The following TSPAN9 variants were observed in gnomAD, a reference collection of about 807,000 sequenced individuals.
TSPAN9 encodes the protein tetraspanin-9.
In TSPAN9, 16 loss-of-function variants were observed where a neutral mutation model predicts 31.0. The ratio of observed to expected loss-of-function variants is 0.52; its 90% CI spans 0.35 to 0.78. The LOEUF (loss-of-function observed/expected upper bound fraction) is 0.78, where lower values mean the gene tolerates loss of function less well. Among genes scored for constraint, TSPAN9 ranks in the 30% least tolerant of loss-of-function variants. The probability of loss-of-function intolerance (pLI) is 0.01; values close to 1 mark genes in which losing one functional copy is unlikely to be tolerated. For missense variants in TSPAN9, 272 were observed against 312.5 expected (o/e 0.87, Z 0.98); for synonymous variants, 145 against 121.6 (o/e 1.19, Z -1.27).
intron 2 of TSPAN9, among the ~76,000 whole-genome samples, chr12:3,175,256 C>T (rs895852723): frequency 3.9e-5 from 6 of 152,174 alleles, no homozygotes; most frequent in Admixed American, 2.6e-4. Context: ...GGCACGAGAG[C>T]GGTCAGTCTT....
At chr12:3,224,079 T>TAA (rs35368694) in intron 3 of TSPAN9, among the ~76,000 whole-genome samples, 61 of 150,876 alleles carry the variant, frequency 4.0e-4, no homozygotes, top group Middle Eastern at 3.4e-3. Flanking sequence ...CTCATCCTAG[T>TAA]AAAAAAAAAA....
intron 3 of TSPAN9, among the ~76,000 whole-genome samples, chr12:3,233,744 A>G (rs2098391980): frequency 1.3e-5 from 2 of 152,234 alleles, no homozygotes; most frequent in African/African-American, 4.8e-5. Context: ...CACATGAATA[A>G]TAGTTCCTCT....
At chr12:3,082,335 T>G (rs1373475950) in intron 1 of TSPAN9, among the ~76,000 whole-genome samples, 2 of 152,208 alleles carry the variant, frequency 1.3e-5, no homozygotes, top group African/African-American at 2.4e-5. Context: ...GGGCCAGGTG[T>G]GGCATGTGTG....
At chr12:3,162,796 A>G (rs924156982) in intron 2 of TSPAN9, among the ~76,000 whole-genome samples, 4 of 152,178 alleles carry the variant, frequency 2.6e-5, no homozygotes, top group African/African-American at 4.8e-5. Context: ...GCTCTAGGCT[A>G]CATGTCGCCC....
intron 2 of TSPAN9, among the ~76,000 whole-genome samples, chr12:3,178,017 T>G (rs2098356777): frequency 6.6e-6 from 1 of 152,226 alleles, no homozygotes; most frequent in South Asian, 2.1e-4. Context: ...GTTTCTGTTC[T>G]GCAGGTGGCA....
intron 3 of TSPAN9, among the ~76,000 whole-genome samples, chr12:3,214,998 A>C (rs1028903483): frequency 6.6e-6 from 1 of 151,820 alleles, no homozygotes; most frequent in Non-Finnish European, 1.5e-5. Context: ...AGCCCCTGAC[A>C]GCCCACCTCC....
chr12:3,081,844 G>GTGTGTGTGTATATATATA lies in TSPAN9; in HGVS notation c.-84-1808_-84-1807insGTGTGTGTATATATATAT, dbSNP rs57812985. On this transcript the variant is annotated intron_variant, in intron 1 of 8. Transcript: ENST00000011898. ...TGTGTGTGTGTGTGTGTCTGTGTGT[G>GTGTGTGTGTATATATATA]TATATATATGCCAGGTGTGGTGGTA... Among the ~76,000 whole-genome samples, 57 of 116,736 alleles carry GTGTGTGTGTATATATATA rather than the reference G, an allele frequency of 4.9e-4. 2 individuals are homozygous for GTGTGTGTGTATATATATA. Among genetic ancestry groups the GTGTGTGTGTATATATATA allele is most frequent in the African/African-American group, 2.1e-3 (57 of 27,388 alleles). 76.6% of individuals were successfully genotyped at this position (116,736 alleles called of 152,430 possible).
At chr12:3,152,242 C>T (rs1412695877) in intron 2 of TSPAN9, among the ~76,000 whole-genome samples, 1 of 152,220 alleles carries the variant, frequency 6.6e-6, no homozygotes, top group African/African-American at 2.4e-5. Flanking sequence ...CTTGCCTGGC[C>T]ACCAGGGAGG....
At chr12:3,156,637 G>A (rs1048200386) in intron 2 of TSPAN9, among the ~76,000 whole-genome samples, 3 of 151,676 alleles carry the variant, frequency 2.0e-5, no homozygotes, top group Admixed American at 1.3e-4. Context: ...CCTCCCGAGC[G>A]GCTGGGATTA....
chr12:3,256,219 T>A (rs1260799083), intron 3 of TSPAN9, among the ~76,000 whole-genome samples: 1 of 152,022 alleles, frequency 6.6e-6, no homozygotes, highest in Non-Finnish European at 1.5e-5. Flanking sequence ...GGTGAGCTGG[T>A]GAGAGAGGCT....
At chr12:3,127,413 G>T (rs1277851152) in intron 2 of TSPAN9, among the ~76,000 whole-genome samples, 1 of 151,836 alleles carries the variant, frequency 6.6e-6, no homozygotes, top group African/African-American at 2.4e-5. Context: ...TGGAGTGCAG[G>T]GGCGCAATCT....
At position 3,168,806 on chromosome 12, in the gene TSPAN9, G is replaced by A. The variant is rs548690997; in HGVS notation, c.-17-32371G>A. On this transcript the variant is annotated intron_variant, in intron 2 of 8. Coordinates refer to ENST00000011898, the MANE Select transcript of TSPAN9 (RefSeq NM_006675.5). The surrounding 1 kb of genome is among the most constrained non-coding windows in gnomAD (Gnocchi z 4.0). Reference sequence around the variant, plus strand: ...TCTGTGTCTCCACCATAAAGTACTCGTTGAGTAAATGAATGAATCAGATGC... The same window carrying A: ...TCTGTGTCTCCACCATAAAGTACTCATTGAGTAAATGAATGAATCAGATGC... Among the ~76,000 whole-genome samples the A allele has an allele frequency of 1.6e-4, 24 of 152,290 alleles. 1 individual carries two copies. Among genetic ancestry groups the A allele is most frequent in the African/African-American group, 5.5e-4 (23 of 41,572 alleles).
In TSPAN9 at chr12:3,192,927, A is replaced by G. The variant is rs1216516656; in HGVS notation, c.-17-8250A>G. On this transcript the variant is annotated intron_variant, in intron 2 of 8. Transcript: ENST00000011898. This position sits in a 1 kb window ranked among gnomAD's most constrained non-coding sequence, Gnocchi z 4.6. ...AGCTGGTTCCATGTTGACTATAATA[A>G]GTATTGTTGGGAATGATAATAGTGC... 6.6e-6 allele frequency among the ~76,000 whole-genome samples: 1 copy of G among 152,124 alleles called. No homozygotes were observed. The highest frequency in any genetic ancestry group is 1.5e-5 in the Non-Finnish European group (1 of 68,036).
intron 2 of TSPAN9, among the ~76,000 whole-genome samples, chr12:3,140,531 A>T (rs1454712466): frequency 6.6e-6 from 1 of 152,158 alleles, no homozygotes. Context: ...GAGTCCCTGC[A>T]GGGAAGTTCA....
intron 2 of TSPAN9, among the ~76,000 whole-genome samples, chr12:3,106,094 GCA>G (rs554976058): frequency 2.0e-5 from 3 of 151,998 alleles, no homozygotes; most frequent in Non-Finnish European, 2.9e-5. Flanking sequence ...GTGCGCGCAC[GCA>G]CACACACACA....
At chr12:3,233,170 TTTGGTAGCTTCAGCTTGAAGCTACCA>T in intron 3 of TSPAN9, among the ~76,000 whole-genome samples, 1 of 152,350 alleles carries the variant, frequency 6.6e-6, no homozygotes, top group South Asian at 2.1e-4. Flanking sequence ...TTCTGTCTCT[TTTGGTAGCTTCAGCTTGAAGCTACCA>T]AAGCTTGAAT....
chr12:3,268,623 G>A (rs1862592346), intron 3 of TSPAN9, among the ~76,000 whole-genome samples: 2 of 130,778 alleles, frequency 1.5e-5, no homozygotes, highest in African/African-American at 6.1e-5. Flanking sequence ...TGTTCCTGCA[G>A]CCTGCCCTCT....
intron 3 of TSPAN9, among the ~76,000 whole-genome samples, chr12:3,216,670 C>T (rs909762863): frequency 2.6e-5 from 4 of 152,230 alleles, no homozygotes; most frequent in African/African-American, 7.2e-5. Flanking sequence ...CCTGGAAGCC[C>T]GTTTGTCACA....
intron 2 of TSPAN9, among the ~76,000 whole-genome samples, chr12:3,098,543 C>CACAGAGCCTGCTGGGGACTG (rs1275811368): frequency 2.0e-5 from 3 of 152,184 alleles, no homozygotes; most frequent in Non-Finnish European, 4.4e-5. Context: ...GCCTGAGACC[C>CACAGAGCCTGCTGGGGACTG]ACAGAGCCTG....
Sources: allele counts gnomAD v4.1 joint callset (sites outside exome capture counted in the v4.1 genomes callset), GRCh38; gene constraint gnomAD v4.1.1; non-coding constraint Gnocchi (gnomAD v3.1); transcripts MANE v1.5; gene names NCBI Gene and HGNC (gene_info 2026-07-23, HGNC 2026-07-21).